MARCHF6: variants seen among roughly 807,000 people sequenced by gnomAD.
MARCHF6 encodes the protein E3 ubiquitin-protein ligase MARCHF6.
A neutral mutation model predicts 133.7 loss-of-function variants in MARCHF6; 31 were observed. That is an observed-to-expected ratio of 0.23 (90% CI 0.17 to 0.31). The LOEUF (loss-of-function observed/expected upper bound fraction) is 0.31, where lower values mean the gene tolerates loss of function less well. Among genes scored for constraint, MARCHF6 ranks in the 10% least tolerant of loss-of-function variants. The pLI, the probability that MARCHF6 is intolerant of heterozygous loss-of-function variation, is 1.00. For missense variants in MARCHF6, 723 were observed against 1,121.6 expected (o/e 0.64, Z 5.08); for synonymous variants, 395 against 402.5 (o/e 0.98, Z 0.22).
intron 22 of MARCHF6, among the ~76,000 whole-genome samples, chr5:10,418,354 C>G (rs1319540302): frequency 6.9e-6 from 1 of 145,060 alleles, no homozygotes; most frequent in Non-Finnish European, 1.5e-5. Flanking sequence ...CACTCCAGCC[C>G]GGGCGACAAG....
Position 10,440,154 on chromosome 5 carries a change from G to C in MARCHF6, c.*6470G>C, listed in dbSNP as rs1325454272. On this transcript the variant is annotated 3_prime_UTR_variant, in exon 26 of 26. Transcript: ENST00000274140. The stretch of plus-strand genomic sequence containing the variant: ...TCCAAAGATTTTATTTTTTTAAACT[G>C]AATTATTACTGTATTCCCAGAACAA... 6.6e-6 allele frequency: 1 copy of C among 152,078 alleles called. No homozygotes were observed. Among genetic ancestry groups the C allele is most frequent in the African/African-American group, 2.4e-5 (1 of 41,382 alleles). The allele number at this position is 152,078 out of a possible 1,614,324, so 9.4% of individuals were successfully genotyped here. A position where few individuals can be genotyped will look rare whatever the true frequency, so the allele number is the denominator to read the frequency against.
chr5:10,375,477 G>A (rs575699107), intron 1 of MARCHF6, among the ~76,000 whole-genome samples: 2 of 152,366 alleles, frequency 1.3e-5, no homozygotes, highest in South Asian at 2.1e-4. Flanking sequence ...GAGCCTCCCC[G>A]ACGAGCACCA....
At chr5:10,410,070 C>G (rs1190832434) in intron 17 of MARCHF6, 69 bp from the exon 18 acceptor site, 6 of 1,465,334 alleles carry the variant, frequency 4.1e-6, no homozygotes, top group Non-Finnish European at 5.6e-6. Context: ...TAAGAAGTTG[C>G]GTTGTAATCC....
At chr5:10,419,798 C>T (rs1041238595) in intron 22 of MARCHF6, among the ~76,000 whole-genome samples, 7 of 152,152 alleles carry the variant, frequency 4.6e-5, no homozygotes, top group African/African-American at 1.2e-4. Flanking sequence ...AACAAGTTAT[C>T]CCGCAACTTT....
chr5:10,407,157 A>C lies in MARCHF6; in HGVS notation c.1508A>C (p.Lys503Thr), dbSNP rs759491019. 1 of 1,613,436 alleles carries C rather than the reference A, an allele frequency of 6.2e-7. No homozygotes were observed. The highest frequency in any genetic ancestry group is 8.5e-7 in the Non-Finnish European group (1 of 1,179,680). ...CTTTGGCTTCCTATACGTATAATTAAGAGTGTGCTGCCTAATTTTCTTCCA... is the reference window on the plus strand; with the variant it reads ...CTTTGGCTTCCTATACGTATAATTACGAGTGTGCTGCCTAATTTTCTTCCA... ...LMLWLPIRII[K>T]SVLPNFLPYN... Residue 503 changes from lysine to threonine, a missense_variant, in exon 17 of 26, where the codon AAG (lysine) becomes ACG (threonine). Lys to Thr is a moderately conservative substitution (Grantham distance 78). Coordinates refer to ENST00000274140, the MANE Select transcript of MARCHF6 (RefSeq NM_005885.4).
Position 10,410,178 on chromosome 5 carries a change from G to C in MARCHF6, c.1593G>C (p.Leu531=). ...GTGAACTGTCCCTCGAGCTGCTTCT[G>C]CTTCAGGTTGTCTTGCCAGCATTAC... ...PVSELSLELL[L]LQVVLPALLE... is the part of the protein sequence containing the mutation. Residue 531 remains leucine, a synonymous_variant, in exon 18 of 26, where the codon CTG becomes CTC. Coordinates refer to ENST00000274140, the MANE Select transcript of MARCHF6 (RefSeq NM_005885.4). 5 of 1,614,080 alleles carry C rather than the reference G, an allele frequency of 3.1e-6. No homozygotes were observed. Among genetic ancestry groups the C allele is most frequent in the Non-Finnish European group, 4.2e-6 (5 of 1,180,028 alleles).
At chr5:10,415,411 TACTA>T in intron 20 of MARCHF6, 73 bp from the exon 21 acceptor site, 1 of 1,315,544 alleles carries the variant, frequency 7.6e-7, no homozygotes, top group South Asian at 1.4e-5. Context: ...AATGTGAAAA[TACTA>T]ACATAACAAC....
Position 10,353,890 on chromosome 5 carries a change from C to G in MARCHF6, c.-9C>G. On this transcript the variant is annotated 5_prime_UTR_variant, in exon 1 of 26. Transcript: ENST00000274140. ...TCGTGGCTGCGTCACCGCCGCCCCC[C>G]CAGACAAGATGGACACCGCGGAGGA... 4 of 1,565,354 alleles carry G rather than the reference C, an allele frequency of 2.6e-6. No homozygotes were observed. Among genetic ancestry groups the G allele is most frequent in the Non-Finnish European group, 3.4e-6 (4 of 1,159,916 alleles).
At chr5:10,383,839 C>T (rs575278882) in intron 4 of MARCHF6, among the ~76,000 whole-genome samples, 6 of 152,066 alleles carry the variant, frequency 3.9e-5, no homozygotes, top group Non-Finnish European at 8.8e-5. Context: ...ATGATCTTAA[C>T]GTGGGAGAAA....
At chr5:10,378,285 C>A (rs905493777) in intron 2 of MARCHF6, among the ~76,000 whole-genome samples, 1 of 152,162 alleles carries the variant, frequency 6.6e-6, no homozygotes, top group Non-Finnish European at 1.5e-5. Flanking sequence ...TACATCTCAA[C>A]TCATTTTTAA....
At chr5:10,431,918 G>GT (rs1173905978) in intron 25 of MARCHF6, among the ~76,000 whole-genome samples, 1 of 152,174 alleles carries the variant, frequency 6.6e-6, no homozygotes, top group Non-Finnish European at 1.5e-5. Context: ...AGCCTTCACT[G>GT]TTTAAAATAT....
At chr5:10,402,208 C>A in intron 12 of MARCHF6, 69 bp downstream of exon 12, 5 of 1,177,758 alleles carry the variant, frequency 4.2e-6, no homozygotes, top group Non-Finnish European at 6.2e-6. Context: ...TCATTAATGG[C>A]GAAACTTGTC....
At chr5:10,413,020 G>T (rs1430706078) in intron 19 of MARCHF6, among the ~76,000 whole-genome samples, 1 of 152,144 alleles carries the variant, frequency 6.6e-6, no homozygotes, top group Non-Finnish European at 1.5e-5. Flanking sequence ...TCTTGAATGG[G>T]CAGGAACCAG....
chr5:10,355,149 A>G (rs984286430), intron 1 of MARCHF6, among the ~76,000 whole-genome samples: 3 of 152,344 alleles, frequency 2.0e-5, no homozygotes, highest in Middle Eastern at 3.4e-3. Context: ...AGGCATTCTG[A>G]TTGCAAGTAA....
Position 10,389,079 on chromosome 5 carries a change from G to A in MARCHF6, c.408-1253G>A, listed in dbSNP as rs911265913. On this transcript the variant is annotated intron_variant, in intron 5 of 25. Coordinates refer to ENST00000274140, the MANE Select transcript of MARCHF6 (RefSeq NM_005885.4). ...TTAAGTTTGGAGCTGCTGGGTCAAG[G>A]TCTACCAGATTGACCCTTCTCAGGT... is the stretch of plus-strand genomic sequence containing the variant. Among the ~76,000 whole-genome samples the A allele has an allele frequency of 2.6e-5, 4 of 152,112 alleles. No homozygotes were observed. The East Asian group carries it at 7.7e-4, about 29-fold the overall frequency.
chr5:10,429,688 A>G (rs1318769012), intron 24 of MARCHF6, among the ~76,000 whole-genome samples: 1 of 152,146 alleles, frequency 6.6e-6, no homozygotes, highest in African/African-American at 2.4e-5. Flanking sequence ...GGCGCGAGCT[A>G]CTATGCCTGG....
At chr5:10,403,306 C>T in intron 14 of MARCHF6, 101 bp from the exon 15 acceptor site, 1 of 1,140,404 alleles carries the variant, frequency 8.8e-7, no homozygotes, top group Non-Finnish European at 1.3e-6. Flanking sequence ...AGGAATTGTT[C>T]CTTGCATGCA....
intron 22 of MARCHF6, among the ~76,000 whole-genome samples, chr5:10,417,717 C>CA (rs748194332): frequency 0.13 from 6,890 of 51,284 alleles, 290 homozygotes; most frequent in Non-Finnish European, 0.15. Context: ...AGCCTCTGTC[C>CA]AAAAAAAAAA....
At chr5:10,400,728 G>A in intron 10 of MARCHF6, 56 bp from the exon 11 acceptor site, 1 of 1,234,426 alleles carries the variant, frequency 8.1e-7, no homozygotes, top group Non-Finnish European at 1.2e-6. Flanking sequence ...AATTGTAGTA[G>A]GAGTGTTCAT....
Sources: allele counts gnomAD v4.1 joint callset (sites outside exome capture counted in the v4.1 genomes callset), GRCh38; gene constraint gnomAD v4.1.1; transcripts MANE v1.5; gene names NCBI Gene and HGNC (gene_info 2026-07-23, HGNC 2026-07-21).